The following ZMIZ1 variants were observed in gnomAD, a reference collection of about 807,000 sequenced individuals.
ZMIZ1 encodes the protein zinc finger MIZ domain-containing protein 1.
Under a neutral mutation model 113.9 loss-of-function variants are expected in ZMIZ1, and 17 were observed. That is an observed-to-expected ratio of 0.15 (90% CI 0.10 to 0.22). The LOEUF is 0.22. ZMIZ1 is among the 10% of genes least tolerant of loss of function. ZMIZ1 has a pLI of 1.00. For synonymous variants in ZMIZ1, 607 were observed against 603.1 expected, an observed-to-expected ratio of 1.01 and a Z score of -0.09; for missense variants, 1,059 against 1,477.8, an observed-to-expected ratio of 0.72 and a Z score of 4.65.
intron 4 of ZMIZ1, among the ~76,000 whole-genome samples, chr10:79,181,346 C>T (rs1847116079): frequency 6.6e-6 from 1 of 152,206 alleles, no homozygotes; most frequent in Non-Finnish European, 1.5e-5. Context: ...TGGAGGTGAG[C>T]GGCTGGGCAG....
intron 2 of ZMIZ1, among the ~76,000 whole-genome samples, chr10:79,120,678 C>G (rs11002832): frequency 0.055 from 8,357 of 151,602 alleles, 330 homozygotes; most frequent in East Asian, 0.18. Context: ...TGTAGATTGC[C>G]GAGAGCAATT....
At chr10:79,237,306 A>G (rs1350361551) in intron 7 of ZMIZ1, among the ~76,000 whole-genome samples, 4 of 152,246 alleles carry the variant, frequency 2.6e-5, no homozygotes, top group South Asian at 2.1e-4. Context: ...CAACGGGGCC[A>G]GAGCAACATG....
chr10:79,287,213 C>G (rs540516714), intron 8 of ZMIZ1, among the ~76,000 whole-genome samples: 2 of 152,214 alleles, frequency 1.3e-5, no homozygotes, highest in Non-Finnish European at 2.9e-5. Context: ...AGAGGCTGTT[C>G]CAGCCCAGCC....
intron 7 of ZMIZ1, among the ~76,000 whole-genome samples, chr10:79,264,332 C>G (rs559335542): frequency 6.6e-6 from 1 of 152,326 alleles, no homozygotes; most frequent in Admixed American, 6.5e-5. Context: ...CGCCTCACCA[C>G]GGACACTGGT....
intron 7 of ZMIZ1, among the ~76,000 whole-genome samples, chr10:79,272,479 A>G (rs752973687): frequency 6.6e-6 from 1 of 152,242 alleles, no homozygotes; most frequent in Non-Finnish European, 1.5e-5. Context: ...AGCTGAGGTC[A>G]GGAGAGATGA....
intron 4 of ZMIZ1, among the ~76,000 whole-genome samples, chr10:79,195,453 T>C (rs564154902): frequency 6.6e-6 from 1 of 152,154 alleles, no homozygotes; most frequent in African/African-American, 2.4e-5. Flanking sequence ...CGGGTGCACC[T>C]GGGGCCAGGC....
At chr10:79,188,260 G>T (rs550241426) in intron 4 of ZMIZ1, among the ~76,000 whole-genome samples, 19 of 152,302 alleles carry the variant, frequency 1.2e-4, no homozygotes, top group African/African-American at 4.3e-4. Context: ...ACACACCCTG[G>T]CTTCTGTGCC....
At chr10:79,223,599 CCT>C (rs1849081294) in intron 7 of ZMIZ1, among the ~76,000 whole-genome samples, 2 of 152,252 alleles carry the variant, frequency 1.3e-5, no homozygotes, top group African/African-American at 4.8e-5. Context: ...CGCTCACCTC[CCT>C]CTGTTTCAGT....
intron 4 of ZMIZ1, among the ~76,000 whole-genome samples, chr10:79,188,126 G>A (rs1039140957): frequency 6.6e-6 from 1 of 152,186 alleles, no homozygotes; most frequent in Non-Finnish European, 1.5e-5. Flanking sequence ...TGAAGGACAC[G>A]CCTATTGTTC....
At chr10:79,298,342 A>G (rs1306073362) in intron 14 of ZMIZ1, 64 bp from the exon 15 acceptor site, 11 of 1,544,840 alleles carry the variant, frequency 7.1e-6, no homozygotes, top group Non-Finnish European at 8.7e-6. Context: ...GTGTATGTCC[A>G]TAGCCATGGC....
At chr10:79,178,940 C>T (rs1308829901) in intron 4 of ZMIZ1, among the ~76,000 whole-genome samples, 6 of 152,250 alleles carry the variant, frequency 3.9e-5, no homozygotes, top group Non-Finnish European at 8.8e-5. Context: ...CCCCGCCTGG[C>T]TCAGCGCTGC....
chr10:79,261,651 G>A (rs1204845993), intron 7 of ZMIZ1, among the ~76,000 whole-genome samples: 1 of 152,210 alleles, frequency 6.6e-6, no homozygotes, highest in African/African-American at 2.4e-5. Flanking sequence ...GAGGGCTGAG[G>A]GACACCAGCA....
chr10:79,264,158 T>C (rs146897632), intron 7 of ZMIZ1, among the ~76,000 whole-genome samples: 3 of 152,252 alleles, frequency 2.0e-5, no homozygotes, highest in African/African-American at 7.2e-5. Flanking sequence ...GTGGCTCAGT[T>C]CTCACCTTGC....
Position 79,176,368 on chromosome 10 carries a change from T to C in ZMIZ1, c.-50+14235T>C, listed in dbSNP as rs557516236. 4.6e-5 allele frequency among the ~76,000 whole-genome samples: 7 copies of C among 152,124 alleles called. No homozygotes were observed. The East Asian group carries it at 1.4e-3, about 29-fold the overall frequency. On this transcript the variant is annotated intron_variant, in intron 4 of 24. Coordinates refer to ENST00000334512, the MANE Select transcript of ZMIZ1 (RefSeq NM_020338.4). ...GGATGCCTCTGAGCAAGAGACTGGGTGTCTGCGTCATGGAGCTGACAGTCT... is the reference window on the plus strand; with the variant it reads ...GGATGCCTCTGAGCAAGAGACTGGGCGTCTGCGTCATGGAGCTGACAGTCT...
At chr10:79,271,583 C>T (rs546748356) in intron 7 of ZMIZ1, among the ~76,000 whole-genome samples, 8 of 152,274 alleles carry the variant, frequency 5.3e-5, no homozygotes, top group African/African-American at 1.9e-4. Flanking sequence ...GCCCTCCGCC[C>T]ACCCTGCACA....
At chr10:79,114,494 C>CAT (rs1554852475) in intron 1 of ZMIZ1, among the ~76,000 whole-genome samples, 7 of 114,418 alleles carry the variant, frequency 6.1e-5, no homozygotes, top group African/African-American at 1.0e-4. Context: ...TGTGTGTGTG[C>CAT]GTGTGTGTGT....
intron 7 of ZMIZ1, among the ~76,000 whole-genome samples, chr10:79,275,516 C>A (rs181372839): frequency 1.3e-5 from 2 of 152,218 alleles, no homozygotes; most frequent in African/African-American, 4.8e-5. Flanking sequence ...ACGGGAACCC[C>A]GTCCAGGATC....
chr10:79,265,202 G>A (rs1851520682), intron 7 of ZMIZ1, among the ~76,000 whole-genome samples: 1 of 152,192 alleles, frequency 6.6e-6, no homozygotes, highest in Admixed American at 6.5e-5. Context: ...CCTAGAGGGA[G>A]GGACAGGCTG....
intron 2 of ZMIZ1, among the ~76,000 whole-genome samples, chr10:79,123,268 C>T (rs1844375480): frequency 6.6e-6 from 1 of 152,218 alleles, no homozygotes. Context: ...CGGCTGTGGA[C>T]CGGGCTGAGG....
Sources: gnomAD v4.1 joint callset for allele counts (sites outside exome capture counted in the v4.1 genomes callset) on GRCh38, gnomAD v4.1.1 for gene constraint, MANE v1.5 for transcripts, NCBI Gene and HGNC (gene_info 2026-07-23, HGNC 2026-07-21) for gene names.